CUBN: variants seen among roughly 807,000 people sequenced by gnomAD.
The protein encoded by CUBN is cubilin, also known as 460 kDa receptor.
Under a neutral mutation model 405.3 loss-of-function variants are expected in CUBN, and 282 were observed. The ratio of observed to expected loss-of-function variants is 0.70; its 90% CI spans 0.63 to 0.77. The LOEUF (loss-of-function observed/expected upper bound fraction) is 0.77, where lower values mean the gene tolerates loss of function less well. CUBN is among the 30% of genes least tolerant of loss of function. The pLI, the probability that CUBN is intolerant of heterozygous loss-of-function variation, is 0.00. For synonymous variants in CUBN, 1,684 were observed against 1,617.0 expected, an observed-to-expected ratio of 1.04 and a Z score of -0.99; for missense variants, 4,514 against 4,475.2, an observed-to-expected ratio of 1.01 and a Z score of -0.25.
chr10:17,104,368 ATGC>A, intron 12 of CUBN, 48 bp downstream of exon 12: 1 of 1,565,194 alleles, frequency 6.4e-7, no homozygotes, highest in Non-Finnish European at 8.8e-7. Context: ...TCACTAAAGG[ATGC>A]TGCTGCTATG....
At chr10:16,968,002 A>AGAGT (rs1843451609) in intron 31 of CUBN, among the ~76,000 whole-genome samples, 1 of 149,946 alleles carries the variant, frequency 6.7e-6, no homozygotes, top group African/African-American at 2.5e-5. Flanking sequence ...AGAGAGAGAG[A>AGAGT]GGAAAAGAGA....
At chr10:16,989,159 G>A (rs1338960562) in intron 29 of CUBN, among the ~76,000 whole-genome samples, 2 of 152,106 alleles carry the variant, frequency 1.3e-5, no homozygotes, top group Non-Finnish European at 2.9e-5. Flanking sequence ...TCCTTGTCAT[G>A]CTGTGCTACA....
At chr10:16,825,679 G>C (rs77716528) in intron 66 of CUBN, among the ~76,000 whole-genome samples, 1 of 147,542 alleles carries the variant, frequency 6.8e-6, no homozygotes, top group Non-Finnish European at 1.5e-5. Flanking sequence ...GTGTGTTGGG[G>C]GGATACATGG....
rs752070254 is a variant in CUBN, at chr10:16,948,461, G to A, written c.5209+17C>T. 1.9e-6 allele frequency: 3 copies of A among 1,613,548 alleles called. No homozygotes were observed. Among genetic ancestry groups the A allele is most frequent in the African/African-American group, 2.7e-5 (2 of 74,890 alleles). On this transcript the variant is annotated intron_variant, in intron 35 of 66. Transcript: ENST00000377833. The stretch of plus-strand genomic sequence containing the variant: ...CATCCCTTTTAACCGCTAGAGTCAG[G>A]TGCTAGGGTTTCTTACCCGACACTG...
intron 5 of CUBN, 82 bp from the exon 6 acceptor site, chr10:17,122,980 A>C: frequency 1.1e-6 from 1 of 919,900 alleles, no homozygotes; most frequent in Non-Finnish European, 1.8e-6. Flanking sequence ...ACGTTTAAGG[A>C]TTTATACGTG....
At chr10:16,896,457 T>C (rs1265970194) in intron 54 of CUBN, among the ~76,000 whole-genome samples, 1 of 152,188 alleles carries the variant, frequency 6.6e-6, no homozygotes, top group Admixed American at 6.5e-5. Flanking sequence ...TGACAATTCC[T>C]TTGTTTCAGC....
At chr10:16,887,163 C>G (rs1840845324) in intron 56 of CUBN, among the ~76,000 whole-genome samples, 1 of 152,214 alleles carries the variant, frequency 6.6e-6, no homozygotes, top group East Asian at 1.9e-4. Context: ...GACAGTTTCT[C>G]TCACTGGTTT....
At chr10:16,988,001 T>C (rs1833475351) in intron 29 of CUBN, among the ~76,000 whole-genome samples, 1 of 152,150 alleles carries the variant, frequency 6.6e-6, no homozygotes, top group Non-Finnish European at 1.5e-5. Flanking sequence ...GTGCGTCTTC[T>C]CACAGCCATT....
In CUBN at chr10:17,019,838, A is replaced by G. The variant is rs1193064810; in HGVS notation, c.4163T>C (p.Val1388Ala). ...GAGATCAGCACCTGGCTTACCGTAA[A>G]CAAACCACTGCATCTGAAATCCTTT... Reference protein sequence around the residue: ...REKGFQMQWFVYGCGGELSGA... With the variant: ...REKGFQMQWFAYGCGGELSGA... Residue 1388 changes from valine to alanine, a missense_variant, in exon 28 of 67, where the codon GTT becomes GCT. By Grantham distance (64) the Val-to-Ala change is moderately conservative. Coordinates refer to ENST00000377833, the MANE Select transcript of CUBN (RefSeq NM_001081.4). 3.7e-6 allele frequency: 6 copies of G among 1,614,134 alleles called. No homozygotes were observed. The highest frequency in any genetic ancestry group is 5.1e-6 in the Non-Finnish European group (6 of 1,179,982).
Position 16,831,251 on chromosome 10 carries a change from C to CAAAGTA in CUBN, c.10528_10528+1insTACTTT (p.Gly3510delinsValLeuTer). On this transcript the variant is annotated stop_gained and protein_altering_variant and splice_region_variant. Transcript: ENST00000377833. LOFTEE classifies it high-confidence loss of function. ...TCCTGTACAAAGTGCAAATGTCTTA[C>CAAAGTA]CAGAGGGTGATGAAGTCCAGATGAT... 1 of 1,613,930 alleles carries CAAAGTA rather than the reference C, an allele frequency of 6.2e-7. No homozygotes were observed. The highest frequency in any genetic ancestry group is 8.5e-7 in the Non-Finnish European group (1 of 1,179,806).
intron 60 of CUBN, among the ~76,000 whole-genome samples, chr10:16,848,394 AG>A (rs1338681136): frequency 6.6e-6 from 1 of 152,188 alleles, no homozygotes; most frequent in African/African-American, 2.4e-5. Flanking sequence ...GGGGAAAAAA[AG>A]GGAGGTAAAT....
intron 48 of CUBN, among the ~76,000 whole-genome samples, chr10:16,911,504 T>C (rs1841733194): frequency 6.6e-6 from 1 of 152,186 alleles, no homozygotes; most frequent in South Asian, 2.1e-4. Context: ...AATAATGACA[T>C]AAAACCCACC....
intron 44 of CUBN, 122 bp from the exon 45 acceptor site, chr10:16,918,922 G>T: frequency 1.1e-6 from 1 of 939,050 alleles, no homozygotes; most frequent in Admixed American, 2.0e-5. Context: ...AAAAAACTAT[G>T]ATAGAATCAG....
chr10:17,126,721 T>G (rs1330116166), intron 4 of CUBN, 40 bp downstream of exon 4: 1 of 1,600,912 alleles, frequency 6.2e-7, no homozygotes, highest in Non-Finnish European at 8.6e-7. Flanking sequence ...CTAGTATGTT[T>G]TCTGTGAAAG....
intron 48 of CUBN, among the ~76,000 whole-genome samples, chr10:16,912,879 A>T (rs74116764): frequency 0.033 from 4,973 of 152,284 alleles, 279 homozygotes; most frequent in African/African-American, 0.11. Flanking sequence ...AGGCAGCAAC[A>T]TGATCCGATT....
intron 28 of CUBN, among the ~76,000 whole-genome samples, chr10:17,011,417 T>C (rs939519109): frequency 6.6e-6 from 1 of 151,970 alleles, no homozygotes; most frequent in Admixed American, 6.6e-5. Flanking sequence ...TTAAAGGTAG[T>C]GCGGAGTTAT....
At chr10:16,997,891 G>A (rs1302573988) in intron 28 of CUBN, among the ~76,000 whole-genome samples, 1 of 152,140 alleles carries the variant, frequency 6.6e-6, no homozygotes, top group Middle Eastern at 3.2e-3. Context: ...GGCCAAGGGT[G>A]GAGCTCCTCA....
At chr10:17,118,924 T>C (rs1836967621) in intron 6 of CUBN, among the ~76,000 whole-genome samples, 2 of 152,222 alleles carry the variant, frequency 1.3e-5, no homozygotes, top group South Asian at 4.1e-4. Flanking sequence ...ATAGCAGAAG[T>C]GTCTTTTCTA....
At chr10:17,118,759 A>G (rs1836964214) in intron 6 of CUBN, among the ~76,000 whole-genome samples, 1 of 152,224 alleles carries the variant, frequency 6.6e-6, no homozygotes, top group South Asian at 2.1e-4. Context: ...TAAACATAAC[A>G]GGGTTAACAG....
Sources: gnomAD v4.1 joint callset for allele counts (sites outside exome capture counted in the v4.1 genomes callset) on GRCh38, gnomAD v4.1.1 for gene constraint, MANE v1.5 for transcripts, NCBI Gene and HGNC (gene_info 2026-07-23, HGNC 2026-07-21) for gene names.